LRP1B: variants seen among roughly 807,000 people sequenced by gnomAD.
LRP1B encodes the protein low-density lipoprotein receptor-related protein 1B.
In LRP1B, 217 loss-of-function variants were observed where a neutral mutation model predicts 556.6. The observed-to-expected ratio is 0.39, with a 90% confidence interval of 0.35 to 0.44. LRP1B has a LOEUF of 0.44. Ranked by LOEUF, LRP1B falls within the 20% of genes least tolerant of loss-of-function variation. The probability of loss-of-function intolerance (pLI) is 1.00; values close to 1 mark genes in which losing one functional copy is unlikely to be tolerated. For missense variants in LRP1B, 5,053 were observed against 5,620.8 expected, an observed-to-expected ratio of 0.90 and a Z score of 3.23; for synonymous variants, 2,047 against 1,865.8, an observed-to-expected ratio of 1.10 and a Z score of -2.50.
At chr2:140,568,652 C>A (rs1395063447) in intron 43 of LRP1B, among the ~76,000 whole-genome samples, 5 of 151,952 alleles carry the variant, frequency 3.3e-5, no homozygotes, top group Non-Finnish European at 5.9e-5. Flanking sequence ...AAAATATATT[C>A]AACTCAAAAA....
At chr2:140,839,198 A>T (rs1454784361) in intron 31 of LRP1B, among the ~76,000 whole-genome samples, 2 of 152,246 alleles carry the variant, frequency 1.3e-5, no homozygotes. Context: ...TTGATTAATT[A>T]AATTAAATTA....
chr2:140,807,861 G>A (rs1038664212), intron 32 of LRP1B, among the ~76,000 whole-genome samples: 6 of 151,992 alleles, frequency 3.9e-5, no homozygotes, highest in East Asian at 1.9e-4. Flanking sequence ...GGAGGCCAAG[G>A]TGGGTGGATC....
At chr2:142,043,381 C>A (rs1423301838) in intron 1 of LRP1B, among the ~76,000 whole-genome samples, 1 of 151,544 alleles carries the variant, frequency 6.6e-6, no homozygotes, top group African/African-American at 2.4e-5. Flanking sequence ...TCACTGGTTA[C>A]CTTTTATAAC....
chr2:142,016,282 G>T (rs1373829787), intron 1 of LRP1B, among the ~76,000 whole-genome samples: 2 of 152,078 alleles, frequency 1.3e-5, no homozygotes, highest in African/African-American at 4.8e-5. Context: ...ATTCCTCAAG[G>T]ATCTAGAAAT....
At chr2:140,315,338 C>A (rs982642216) in intron 82 of LRP1B, among the ~76,000 whole-genome samples, 2 of 152,000 alleles carry the variant, frequency 1.3e-5, no homozygotes, top group East Asian at 1.9e-4. Context: ...GCATTATTAA[C>A]CTTTTCTTGT....
chr2:141,126,279 C>G (rs527641059), intron 7 of LRP1B, among the ~76,000 whole-genome samples: 1 of 152,232 alleles, frequency 6.6e-6, no homozygotes, highest in South Asian at 2.1e-4. Flanking sequence ...GGTGATGCAC[C>G]CGCCTCGGAC....
intron 3 of LRP1B, among the ~76,000 whole-genome samples, chr2:141,327,211 T>C (rs536049242): frequency 1.3e-5 from 2 of 152,294 alleles, no homozygotes; most frequent in African/African-American, 4.8e-5. Context: ...AGTTTGATTT[T>C]AGATCTTTTA....
intron 3 of LRP1B, among the ~76,000 whole-genome samples, chr2:141,389,455 A>T (rs1689964803): frequency 6.6e-6 from 1 of 152,214 alleles, no homozygotes; most frequent in East Asian, 1.9e-4. Context: ...TTCACACCAT[A>T]CGCAAAAATT....
intron 37 of LRP1B, among the ~76,000 whole-genome samples, 154 bp from the exon 38 acceptor site, chr2:140,702,707 G>A (rs962083309): frequency 6.6e-6 from 1 of 151,978 alleles, no homozygotes; most frequent in Non-Finnish European, 1.5e-5. Flanking sequence ...TTATGGTTCC[G>A]ATAAAATAAT....
chr2:141,661,014 G>C (rs114171033), intron 2 of LRP1B, among the ~76,000 whole-genome samples: 3,462 of 152,260 alleles, frequency 0.023, 58 homozygotes, highest in Non-Finnish European at 0.036. Context: ...ACACCTCCAG[G>C]TGCAGGAGGG....
intron 41 of LRP1B, among the ~76,000 whole-genome samples, chr2:140,654,983 C>T (rs905824105): frequency 6.6e-6 from 1 of 150,918 alleles, no homozygotes; most frequent in African/African-American, 2.4e-5. Flanking sequence ...CCTAGCTGGG[C>T]ACAGTAGCCC....
intron 75 of LRP1B, among the ~76,000 whole-genome samples, chr2:140,356,029 C>G (rs1324092462): frequency 6.6e-6 from 1 of 151,898 alleles, no homozygotes; most frequent in East Asian, 1.9e-4. Context: ...TGAAGCAAGA[C>G]TAATTCTCCA....
intron 35 of LRP1B, among the ~76,000 whole-genome samples, chr2:140,717,814 G>T (rs1687264977): frequency 6.6e-6 from 1 of 152,038 alleles, no homozygotes; most frequent in Non-Finnish European, 1.5e-5. Flanking sequence ...AAGCTTTGAG[G>T]TTCTGTTTCA....
rs1553543025 is a variant in LRP1B, at chr2:141,614,080, C to CAGAAAAAAAAA, written c.206-133548_206-133547insTTTTTTTTTCT. ...GGGCGATAAGAGCAAAACTCAGCCT[C>CAGAAAAAAAAA]AAAAAAAAAAAAAAAAAAAAAGAAA... On this transcript the variant is annotated intron_variant, in intron 2 of 90. Transcript: ENST00000389484. 4.6e-3 allele frequency among the ~76,000 whole-genome samples: 217 copies of CAGAAAAAAAAA among 47,350 alleles called. 15 individuals carry two copies. The highest frequency in any genetic ancestry group is 0.04 in the East Asian group (63 of 1,584). 31.1% of individuals were successfully genotyped at this position (47,350 alleles called of 152,430 possible).
intron 3 of LRP1B, among the ~76,000 whole-genome samples, chr2:141,337,083 A>T (rs988242703): frequency 2.0e-5 from 3 of 152,154 alleles, no homozygotes; most frequent in Admixed American, 2.0e-4. Context: ...GACACATGAT[A>T]GCTGTGTATT....
intron 67 of LRP1B, among the ~76,000 whole-genome samples, chr2:140,379,902 T>C (rs1683398639): frequency 6.6e-6 from 1 of 152,160 alleles, no homozygotes; most frequent in Non-Finnish European, 1.5e-5. Context: ...CACTCCTTTG[T>C]TTAGTAAATG....
chr2:141,152,944 A>C (rs1341156122), intron 7 of LRP1B, among the ~76,000 whole-genome samples: 1 of 150,958 alleles, frequency 6.6e-6, no homozygotes, highest in Non-Finnish European at 1.5e-5. Context: ...CAGGAAGCGA[A>C]GGTACACTTA....
At chr2:142,003,939 G>T (rs1015859982) in intron 1 of LRP1B, among the ~76,000 whole-genome samples, 3 of 152,088 alleles carry the variant, frequency 2.0e-5, no homozygotes, top group African/African-American at 7.2e-5. Flanking sequence ...TTCCTCTGCT[G>T]GTAAAGGAAA....
intron 43 of LRP1B, among the ~76,000 whole-genome samples, chr2:140,585,239 C>T (rs1461213791): frequency 6.6e-6 from 1 of 152,026 alleles, no homozygotes; most frequent in Non-Finnish European, 1.5e-5. Context: ...AACGTTTTAA[C>T]TCCTCAAAAT....
Sources: allele counts gnomAD v4.1 joint callset (sites outside exome capture counted in the v4.1 genomes callset), GRCh38; gene constraint gnomAD v4.1.1; transcripts MANE v1.5; gene names NCBI Gene and HGNC (gene_info 2026-07-23, HGNC 2026-07-21).